RRAD: variants seen among roughly 807,000 people sequenced by gnomAD.
The protein encoded by RRAD is RRAD, Ras related glycolysis inhibitor and calcium channel regulator, also known as GTP-binding protein RAD.
RRAD carries 15 observed loss-of-function variants against 24.7 expected under a neutral mutation model. That is an observed-to-expected ratio of 0.61 (90% CI 0.41 to 0.93). The LOEUF (loss-of-function observed/expected upper bound fraction) is 0.93, where lower values mean the gene tolerates loss of function less well. Ranked by LOEUF, RRAD falls within the 40% of genes least tolerant of loss-of-function variation. The pLI is 0.00. For synonymous variants in RRAD, 180 were observed against 189.8 expected, an observed-to-expected ratio of 0.95 and a Z score of 0.43; for missense variants, 438 against 452.2, an observed-to-expected ratio of 0.97 and a Z score of 0.29.
intron 4 of RRAD, among the ~76,000 whole-genome samples, chr16:66,922,902 C>T (rs558128933): frequency 3.9e-5 from 6 of 152,304 alleles, no homozygotes; most frequent in Non-Finnish European, 7.4e-5. Flanking sequence ...AGGATGGTCT[C>T]GATCTCCTGA....
intron 4 of RRAD, among the ~76,000 whole-genome samples, chr16:66,922,868 A>G (rs1482064823): frequency 6.6e-6 from 1 of 152,030 alleles, no homozygotes; most frequent in Non-Finnish European, 1.5e-5. Context: ...TTTTTAGTAG[A>G]GATGGGGTTT....
Position 66,924,270 on chromosome 16 carries a change from G to A in RRAD, c.371-351C>T, listed in dbSNP as rs146728209. Reference sequence around the variant, plus strand: ...ATCTATGCCCTGGCCTTCTACTCTGGGCATTTCTTCCCTACCAAAGGCTGG... The same window carrying A: ...ATCTATGCCCTGGCCTTCTACTCTGAGCATTTCTTCCCTACCAAAGGCTGG... On this transcript the variant is annotated intron_variant, in intron 2 of 4. Coordinates refer to ENST00000299759, the MANE Select transcript of RRAD (RefSeq NM_004165.3). The surrounding 1 kb of genome is among the most constrained non-coding windows in gnomAD (Gnocchi z 4.2). Among the ~76,000 whole-genome samples the A allele has an allele frequency of 1.2e-3, 181 of 152,268 alleles. 2 individuals are homozygous for A. The Middle Eastern group carries it at 0.037, about 31-fold the overall frequency.
At position 66,923,646 on chromosome 16, in the gene RRAD, G is replaced by C; in HGVS notation, c.519C>G (p.Asp173Glu). ...CTGAGGCCTTCTCGAAGCTGCCCTT[G>C]TCCGTCACTGAGTACACAATGACAT... ...DAYVIVYSVT[D>E]KGSFEKASEL... Residue 173 changes from aspartate (D) to glutamate (E), a missense_variant, in exon 4 of 5, where the codon GAC (aspartate) becomes GAG (glutamate). Physicochemically the swap from Asp to Glu is conservative, Grantham distance 45. Coordinates refer to ENST00000299759, the MANE Select transcript of RRAD (RefSeq NM_004165.3). The surrounding 1 kb of genome is among the most constrained non-coding windows in gnomAD (Gnocchi z 4.9). 1 of 1,614,096 alleles carries C rather than the reference G, an allele frequency of 6.2e-7. No homozygotes were observed. The highest frequency in any genetic ancestry group is 8.5e-7 in the Non-Finnish European group (1 of 1,180,038).
At position 66,921,797 on chromosome 16, in the gene RRAD, C is replaced by T. The variant is rs1596992640; in HGVS notation, c.*279G>A. The T allele has an allele frequency of 2.5e-6, 1 of 400,084 alleles. No homozygotes were observed. The highest frequency in any genetic ancestry group is 4.5e-6 in the Non-Finnish European group (1 of 223,690). 24.8% of individuals were successfully genotyped at this position (400,084 alleles called of 1,614,324 possible). ...GGGCTGTGAAAAAAGGCAGAGTCCTCTCCCGGCACGCAGGCCTGCCCGGCG... is the reference window on the plus strand; with the variant it reads ...GGGCTGTGAAAAAAGGCAGAGTCCTTTCCCGGCACGCAGGCCTGCCCGGCG... On this transcript the variant is annotated 3_prime_UTR_variant, in exon 5 of 5. Coordinates refer to ENST00000299759, the MANE Select transcript of RRAD (RefSeq NM_004165.3).
chr16:66,925,113 G>A lies in RRAD; in HGVS notation c.67C>T (p.Arg23Cys), dbSNP rs1596995072. ...SRGGGQERER[R>C]RGSTPWGPAP... ...GGGCCCCAGGGTGTGCTGCCCCGAC[G>A]GCGCTCGCGCTCCTGGCCCCCACCG... is the stretch of plus-strand genomic sequence containing the variant. The change falls in exon 2 of 5, where the codon CGT (arginine) becomes TGT (cysteine). Residue 23 changes from arginine (R) to cysteine (C), a missense_variant. By Grantham distance (180) the Arg-to-Cys change is radical. Transcript: ENST00000299759. This position sits in a 1 kb window ranked among gnomAD's most constrained non-coding sequence, Gnocchi z 5.2. 2.4e-6 allele frequency: 3 copies of A among 1,228,032 alleles called. No homozygotes were observed. The highest frequency in any genetic ancestry group is 3.0e-6 in the Non-Finnish European group (3 of 986,148). 76.1% of individuals were successfully genotyped at this position (1,228,032 alleles called of 1,614,324 possible). A position where few individuals can be genotyped will look rare whatever the true frequency, so the allele number is the denominator to read the frequency against.
In RRAD at chr16:66,923,983, T is replaced by C; in HGVS notation, c.371-64A>G. On this transcript the variant is annotated intron_variant, in intron 2 of 4. Coordinates refer to ENST00000299759, the MANE Select transcript of RRAD (RefSeq NM_004165.3). The surrounding 1 kb of genome is among the most constrained non-coding windows in gnomAD (Gnocchi z 4.9). ...TCAAAGCCGCTGCTGCCAGGTTTCC[T>C]GTTCTGGCCACACCCTCCAACTCTT... The C allele has an allele frequency of 2.3e-6, 3 of 1,328,766 alleles. No individual in the cohort carries two copies. The highest frequency in any genetic ancestry group is 2.2e-6 in the Non-Finnish European group (2 of 919,822). The allele number at this position is 1,328,766 out of a possible 1,614,324, so 82.3% of individuals were successfully genotyped here.
Position 66,923,449 on chromosome 16 carries a change from A to G in RRAD, c.649+67T>C. 1 of 1,338,180 alleles carries G rather than the reference A, an allele frequency of 7.5e-7. No homozygotes were observed. Among genetic ancestry groups the G allele is most frequent in the Non-Finnish European group, 1.0e-6 (1 of 962,754 alleles). The allele number at this position is 1,338,180 out of a possible 1,614,324, so 82.9% of individuals were successfully genotyped here. ...TGATGATCCCCAGGGACTCAAGCTGAGCCAAGACTGCCTGGATCAGGGCCC... is the reference window on the plus strand; with the variant it reads ...TGATGATCCCCAGGGACTCAAGCTGGGCCAAGACTGCCTGGATCAGGGCCC... On this transcript the variant is annotated intron_variant, in intron 4 of 4. Transcript: ENST00000299759. The surrounding 1 kb of genome is among the most constrained non-coding windows in gnomAD (Gnocchi z 4.9).
Position 66,924,986 on chromosome 16 carries a change from G to A in RRAD, c.194C>T (p.Thr65Ile), listed in dbSNP as rs1206786129. 1 of 1,443,744 alleles carries A rather than the reference G, an allele frequency of 6.9e-7. No homozygotes were observed. The highest frequency in any genetic ancestry group is 1.5e-5 in the African/African-American group (1 of 68,602). 89.4% of individuals were successfully genotyped at this position (1,443,744 alleles called of 1,614,324 possible). A position where few individuals can be genotyped will look rare whatever the true frequency, so the allele number is the denominator to read the frequency against. ...GGGCCAGTCCAGCCTGGGACCCTGG[G>A]TCCCCGTCCCGGCCGCGGCCGCCGT... The part of the protein sequence containing the change: ...ALTAAAAGTG[T>I]QGPRLDWPED... The change falls in exon 2 of 5, where the codon ACC becomes ATC. Residue 65 changes from threonine to isoleucine, a missense_variant. Coordinates refer to ENST00000299759, the MANE Select transcript of RRAD (RefSeq NM_004165.3). This position sits in a 1 kb window ranked among gnomAD's most constrained non-coding sequence, Gnocchi z 4.2.
In RRAD at chr16:66,922,359, T is replaced by G; in HGVS notation, c.650-6A>C. ...CACCGCGCAGGCCCGGCCCTCTGTG[T>G]GGGTGGGGAAAGGCAGGCACCAGTA... is the stretch of plus-strand genomic sequence containing the variant. On this transcript the variant is annotated splice_region_variant and splice_polypyrimidine_tract_variant and intron_variant, in intron 4 of 4. Transcript: ENST00000299759. The G allele has an allele frequency of 1.3e-6, 2 of 1,578,496 alleles. No homozygotes were observed. The highest frequency in any genetic ancestry group is 1.7e-6 in the Non-Finnish European group (2 of 1,158,400).
chr16:66,922,326 T>C lies in RRAD; in HGVS notation c.677A>G (p.Asp226Gly), dbSNP rs893454978. The C allele has an allele frequency of 1.9e-6, 3 of 1,602,158 alleles. No individual in the cohort carries two copies. The African/African-American group carries it at 4.0e-5, about 21-fold the overall frequency. ...CGCTGATGTCTCAATGAACTTGCAG[T>C]CAAAGACCACCGCGCAGGCCCGGCC... ...DEGRACAVVFDCKFIETSAAL... is the reference protein window; with the variant it reads ...DEGRACAVVFGCKFIETSAAL... The change falls in exon 5 of 5, where the codon GAC becomes GGC. Residue 226 changes from aspartate to glycine, a missense_variant. Transcript: ENST00000299759.
rs1043613704 is a variant in RRAD at position 66,923,643 on chromosome 16, C to T, written c.522G>A (p.Lys174=). The change falls in exon 4 of 5, where the codon AAG becomes AAA. Residue 174 remains lysine (K), a synonymous_variant. Transcript: ENST00000299759. The surrounding 1 kb of genome is among the most constrained non-coding windows in gnomAD (Gnocchi z 4.9). ...GTTCTGAGGCCTTCTCGAAGCTGCC[C>T]TTGTCCGTCACTGAGTACACAATGA... ...AYVIVYSVTD[K]GSFEKASELR... is the part of the protein sequence containing the mutation. 3.7e-6 allele frequency: 6 copies of T among 1,614,128 alleles called. No homozygotes were observed. The highest frequency in any genetic ancestry group is 5.1e-6 in the Non-Finnish European group (6 of 1,180,024).
Position 66,924,846 on chromosome 16 carries a change from C to T in RRAD, c.334G>A (p.Gly112Ser). The change falls in exon 2 of 5, where the codon GGC becomes AGC. Residue 112 changes from glycine to serine, a missense_variant. Transcript: ENST00000299759. The surrounding 1 kb of genome is among the most constrained non-coding windows in gnomAD (Gnocchi z 4.2). ...GCTTCAGGCCCGTCCTCCACACCGC[C>T]GAAGATGCGCGCCAGGGCGCTCTTG... ...VGKSALARIF[G>S]GVEDGPEAEA... The T allele has an allele frequency of 6.3e-7, 1 of 1,588,880 alleles. No individual in the cohort carries two copies. The highest frequency in any genetic ancestry group is 8.5e-7 in the Non-Finnish European group (1 of 1,172,436).
At position 66,923,889 on chromosome 16, in the gene RRAD, T is replaced by C; in HGVS notation, c.401A>G (p.Asp134Gly). 1.2e-6 allele frequency: 2 copies of C among 1,614,080 alleles called. No individual in the cohort carries two copies. Among genetic ancestry groups the C allele is most frequent in the Non-Finnish European group, 1.7e-6 (2 of 1,179,982 alleles). ...GHTYDRSIVV[D>G]GEEASLMVYD... ...GACCATGAGTGATGCCTCTTCTCCG[T>C]CCACTACAATGGAGCGATCATAGGT... is the stretch of plus-strand genomic sequence containing the variant. Residue 134 changes from aspartate to glycine, a missense_variant, in exon 3 of 5, where the codon GAC (aspartate) becomes GGC (glycine). Asp to Gly is a moderately conservative substitution (Grantham distance 94). Coordinates refer to ENST00000299759, the MANE Select transcript of RRAD (RefSeq NM_004165.3). The surrounding 1 kb of genome is among the most constrained non-coding windows in gnomAD (Gnocchi z 4.9).
rs1487327175 is a variant in RRAD, at chr16:66,922,154, G to A, written c.849C>T (p.Gly283=). 2 of 1,614,026 alleles carry A rather than the reference G, an allele frequency of 1.2e-6. No individual in the cohort carries two copies. Among genetic ancestry groups the A allele is most frequent in the Non-Finnish European group, 1.7e-6 (2 of 1,179,952 alleles). ...TGCGGCTGTTACGAGCTACGATGCG[G>A]CCCAAGAAGCGCTTCGCCTTTTTGC... ...SLGKKAKRFL[G]RIVARNSRKM... is the part of the protein sequence containing the mutation. Residue 283 remains glycine (G), a synonymous_variant, in exon 5 of 5, where the codon GGC becomes GGT. Transcript: ENST00000299759.
Position 66,921,801 on chromosome 16 carries a change from C to T in RRAD, c.*275G>A, listed in dbSNP as rs1310063369. The T allele has an allele frequency of 4.9e-6, 2 of 404,686 alleles. No homozygotes were observed. The highest frequency in any genetic ancestry group is 8.8e-6 in the Non-Finnish European group (2 of 226,700). The allele number at this position is 404,686 out of a possible 1,614,324, so 25.1% of individuals were successfully genotyped here. A position where few individuals can be genotyped will look rare whatever the true frequency, so the allele number is the denominator to read the frequency against. On this transcript the variant is annotated 3_prime_UTR_variant, in exon 5 of 5. Coordinates refer to ENST00000299759, the MANE Select transcript of RRAD (RefSeq NM_004165.3). ...TGTGAAAAAAGGCAGAGTCCTCTCC[C>T]GGCACGCAGGCCTGCCCGGCGGCTG...
Position 66,923,710 on chromosome 16 carries a change from C to T in RRAD, c.455G>A (p.Arg152His), listed in dbSNP as rs533912019. 19 of 1,614,066 alleles carry T rather than the reference C, an allele frequency of 1.2e-5. No individual in the cohort carries two copies. Among genetic ancestry groups the T allele is most frequent in the South Asian group, 4.4e-5 (4 of 91,086 alleles). The stretch of plus-strand genomic sequence containing the variant: ...GGCCATGCAGTGGCCGGGCAACCAG[C>T]GGCCCCCGTCCTGGAGAACACACAA... ...VYDIWEQDGG[R>H]WLPGHCMAMG... Residue 152 changes from arginine (R) to histidine (H), a missense_variant, in exon 4 of 5, where the codon CGC becomes CAC. Transcript: ENST00000299759. This position sits in a 1 kb window ranked among gnomAD's most constrained non-coding sequence, Gnocchi z 4.9.
In RRAD at chr16:66,921,948, G is replaced by T; in HGVS notation, c.*128C>A. 1.3e-6 allele frequency: 1 copy of T among 751,428 alleles called. No individual in the cohort carries two copies. The highest frequency in any genetic ancestry group is 2.1e-6 in the Non-Finnish European group (1 of 465,132). The allele number at this position is 751,428 out of a possible 1,614,324, so 46.5% of individuals were successfully genotyped here. A position where few individuals can be genotyped will look rare whatever the true frequency, so the allele number is the denominator to read the frequency against. On this transcript the variant is annotated 3_prime_UTR_variant, in exon 5 of 5. Transcript: ENST00000299759. ...TCTATCTGTCCATGACCATGAGGTTGGGGGTGCCCGGCTGGCAGCTCCGAG... is the reference window on the plus strand; with the variant it reads ...TCTATCTGTCCATGACCATGAGGTTTGGGGTGCCCGGCTGGCAGCTCCGAG...
rs754519278 is a variant in RRAD at position 66,923,506 on chromosome 16, G to A, written c.649+10C>T. ...GCTCTCCCTCCCCCTGCAACCTGCC[G>A]CCTACTCACCATCCACCGAGACCTC... On this transcript the variant is annotated intron_variant, in intron 4 of 4. Coordinates refer to ENST00000299759, the MANE Select transcript of RRAD (RefSeq NM_004165.3). This position sits in a 1 kb window ranked among gnomAD's most constrained non-coding sequence, Gnocchi z 4.9. The A allele has an allele frequency of 1.0e-5, 16 of 1,595,358 alleles. No homozygotes were observed. Among genetic ancestry groups the A allele is most frequent in the South Asian group, 5.5e-5 (5 of 90,504 alleles).
Position 66,924,699 on chromosome 16 carries a change from T to TAAC in RRAD, c.370+108_370+110dup, listed in dbSNP as rs1555521406. 0.021 allele frequency: 13,678 copies of TAAC among 662,118 alleles called. 206 individuals are homozygous for TAAC. The highest frequency in any genetic ancestry group is 0.025 in the Middle Eastern group (76 of 3,092). The allele number at this position is 662,118 out of a possible 1,614,324, so 41.0% of individuals were successfully genotyped here. A position where few individuals can be genotyped will look rare whatever the true frequency, so the allele number is the denominator to read the frequency against. On this transcript the variant is annotated intron_variant, in intron 2 of 4. Transcript: ENST00000299759. This position sits in a 1 kb window ranked among gnomAD's most constrained non-coding sequence, Gnocchi z 4.2. ...AATAAAATAATAATAATAATAATAA[T>TAAC]AACAACAACAACAACTATAATTCCA...
Sources: allele counts gnomAD v4.1 joint callset (sites outside exome capture counted in the v4.1 genomes callset), GRCh38; gene constraint gnomAD v4.1.1; non-coding constraint Gnocchi (gnomAD v3.1); transcripts MANE v1.5; gene names NCBI Gene and HGNC (gene_info 2026-07-23, HGNC 2026-07-21).